DNAJB14: variants seen among roughly 807,000 people sequenced by gnomAD.
DNAJB14 encodes dnaJ homolog subfamily B member 14.
DNAJB14 carries 22 observed loss-of-function variants against 48.4 expected under a neutral mutation model. The ratio of observed to expected loss-of-function variants is 0.45; its 90% CI spans 0.32 to 0.65. DNAJB14 has a LOEUF of 0.65. Among genes scored for constraint, DNAJB14 ranks in the 30% least tolerant of loss-of-function variants. DNAJB14 has a pLI of 0.03. For missense variants in DNAJB14, 319 were observed against 458.8 expected (o/e 0.70, Z 2.78); for synonymous variants, 142 against 158.7 (o/e 0.89, Z 0.79).
rs764460292 is a variant in DNAJB14, at chr4:99,905,625, T to C, written c.814A>G (p.Asn272Asp). The change falls in exon 6 of 8, where the codon AAT becomes GAT. Residue 272 changes from asparagine (N) to aspartate (D), a missense_variant. Physicochemically the swap from Asn to Asp is conservative, Grantham distance 23. Transcript: ENST00000442697. ...VSLLSQLMVS[N>D]PPYSLYPRSG... is the part of the protein sequence containing the mutation. ...CTGGGATATAAGGAATAAGGAGGAT[T>C]AGAGACCATCAACTGGCTTAATAAT... 22 of 1,611,584 alleles carry C rather than the reference T, an allele frequency of 1.4e-5. No individual in the cohort carries two copies. Among genetic ancestry groups the C allele is most frequent in the Non-Finnish European group, 1.7e-5 (20 of 1,179,364 alleles).
intron 1 of DNAJB14, among the ~76,000 whole-genome samples, chr4:99,931,926 T>C (rs1015080461): frequency 6.6e-6 from 1 of 151,962 alleles, no homozygotes. Flanking sequence ...GAATAGAAAT[T>C]AAAACACCAA....
At chr4:99,941,750 G>T (rs1726898179) in intron 1 of DNAJB14, among the ~76,000 whole-genome samples, 2 of 152,074 alleles carry the variant, frequency 1.3e-5, no homozygotes, top group African/African-American at 4.8e-5. Context: ...AGGAAATTGA[G>T]GTTCGGAAAG....
At chr4:99,944,955 A>C (rs1727016484) in intron 1 of DNAJB14, among the ~76,000 whole-genome samples, 1 of 152,220 alleles carries the variant, frequency 6.6e-6, no homozygotes, top group Admixed American at 6.5e-5. Flanking sequence ...AAGTGAAGTA[A>C]GACAGTCACA....
At chr4:99,910,857 CTT>C (rs1040332813) in intron 3 of DNAJB14, among the ~76,000 whole-genome samples, 1 of 151,984 alleles carries the variant, frequency 6.6e-6, no homozygotes, top group Admixed American at 6.6e-5. Context: ...TTTCTTTAAA[CTT>C]TTAATACACA....
At chr4:99,922,927 C>A (rs971233418) in intron 3 of DNAJB14, 113 bp downstream of exon 3, 2 of 1,185,208 alleles carry the variant, frequency 1.7e-6, no homozygotes, top group African/African-American at 3.1e-5. Flanking sequence ...CAGACTCTTG[C>A]TTGTGCTGGT....
At chr4:99,932,765 G>T (rs767171653) in intron 1 of DNAJB14, among the ~76,000 whole-genome samples, 3 of 152,120 alleles carry the variant, frequency 2.0e-5, no homozygotes, top group Non-Finnish European at 4.4e-5. Flanking sequence ...GATGGATAAT[G>T]ATATATCCAG....
At chr4:99,941,984 T>G (rs922343989) in intron 1 of DNAJB14, 6 of 152,056 alleles carry the variant, frequency 3.9e-5, no homozygotes, top group Non-Finnish European at 8.8e-5. Context: ...AAGACTGAAA[T>G]TATCTTAAAA....
chr4:99,906,863 C>A (rs1270293649), intron 4 of DNAJB14, among the ~76,000 whole-genome samples: 1 of 152,150 alleles, frequency 6.6e-6, no homozygotes, highest in Non-Finnish European at 1.5e-5. Context: ...TTTCTCTACA[C>A]ACATAGAGGT....
Position 99,905,772 on chromosome 4 carries a change from G to C in DNAJB14, c.733-66C>G, listed in dbSNP as rs528814037. The stretch of plus-strand genomic sequence containing the variant: ...TGTAGTTGTTAATAATACAACAGTT[G>C]TCATACATTTTGAGGCAGAAAGCGC... On this transcript the variant is annotated intron_variant, in intron 5 of 7. Transcript: ENST00000442697. The C allele has an allele frequency of 8.0e-5, 121 of 1,507,932 alleles. No homozygotes were observed. The East Asian group carries it at 2.1e-3, about 27-fold the overall frequency. 93.4% of individuals were successfully genotyped at this position (1,507,932 alleles called of 1,614,324 possible).
intron 1 of DNAJB14, among the ~76,000 whole-genome samples, chr4:99,936,020 A>G (rs1435987235): frequency 6.6e-6 from 1 of 152,178 alleles, no homozygotes; most frequent in Non-Finnish European, 1.5e-5. Context: ...GTAAGCCATG[A>G]TTGTGCCACT....
intron 3 of DNAJB14, among the ~76,000 whole-genome samples, chr4:99,909,708 G>T (rs975889484): frequency 6.6e-6 from 1 of 151,846 alleles, no homozygotes; most frequent in Admixed American, 6.6e-5. Flanking sequence ...ACTTAAAACA[G>T]CATAAGCATT....
intron 3 of DNAJB14, among the ~76,000 whole-genome samples, chr4:99,915,822 A>T (rs1725834768): frequency 6.6e-6 from 1 of 151,738 alleles, no homozygotes. Flanking sequence ...ATTGAGAGAG[A>T]GGTGTCAGAG....
At chr4:99,918,273 TTTTG>T (rs1255010357) in intron 3 of DNAJB14, among the ~76,000 whole-genome samples, 38 of 152,320 alleles carry the variant, frequency 2.5e-4, no homozygotes, top group East Asian at 5.8e-4. Flanking sequence ...CATTGATAGT[TTTTG>T]TTTATTTTTG....
chr4:99,901,663 C>T (rs1364005797), intron 7 of DNAJB14, among the ~76,000 whole-genome samples: 3 of 152,058 alleles, frequency 2.0e-5, no homozygotes, highest in East Asian at 1.9e-4. Flanking sequence ...GCTTGTTATA[C>T]GATCGTAATA....
intron 4 of DNAJB14, 103 bp downstream of exon 4, chr4:99,908,607 CA>C: frequency 1.1e-6 from 1 of 902,196 alleles, no homozygotes; most frequent in Non-Finnish European, 1.6e-6. Flanking sequence ...CGTAACACTA[CA>C]AGAAATGTAG....
intron 7 of DNAJB14, among the ~76,000 whole-genome samples, chr4:99,903,341 TAG>T (rs1560729781): frequency 6.6e-6 from 1 of 152,072 alleles, no homozygotes; most frequent in Non-Finnish European, 1.5e-5. Flanking sequence ...GCTAAATTAA[TAG>T]AGTTTCAAAC....
chr4:99,940,367 T>A (rs1578240526), intron 1 of DNAJB14, among the ~76,000 whole-genome samples: 1 of 152,138 alleles, frequency 6.6e-6, no homozygotes, highest in African/African-American at 2.4e-5. Flanking sequence ...CTGAGGCAGG[T>A]GGATCACTTG....
Position 99,900,958 on chromosome 4 carries a change from C to G in DNAJB14, c.*70G>C. 1.3e-6 allele frequency: 2 copies of G among 1,505,852 alleles called. No individual in the cohort carries two copies. Among genetic ancestry groups the G allele is most frequent in the Non-Finnish European group, 1.8e-6 (2 of 1,119,278 alleles). The allele number at this position is 1,505,852 out of a possible 1,614,324, so 93.3% of individuals were successfully genotyped here. On this transcript the variant is annotated 3_prime_UTR_variant, in exon 8 of 8. Transcript: ENST00000442697. ...GTATCAAATCTTTTCCTTCATCCCTCATGATGAAACCAAACTTACTTACAG... is the reference window on the plus strand; with the variant it reads ...GTATCAAATCTTTTCCTTCATCCCTGATGATGAAACCAAACTTACTTACAG...
At chr4:99,933,303 CTT>C (rs759298582) in intron 1 of DNAJB14, among the ~76,000 whole-genome samples, 5,480 of 88,234 alleles carry the variant, frequency 0.062, 48 homozygotes, top group Middle Eastern at 0.11. Context: ...CATAAACAGT[CTT>C]TTTTTTTTTT....
Sources: gnomAD v4.1 joint callset for allele counts (sites outside exome capture counted in the v4.1 genomes callset) on GRCh38, gnomAD v4.1.1 for gene constraint, MANE v1.5 for transcripts, NCBI Gene and HGNC (gene_info 2026-07-23, HGNC 2026-07-21) for gene names.